Variants in PALM2AKAP2 observed in about 807,000 individuals in gnomAD.
PALM2AKAP2 encodes the protein PALM2-AKAP2 fusion protein.
In PALM2AKAP2, 37 loss-of-function variants were observed where a neutral mutation model predicts 71.5. The observed-to-expected ratio is 0.52, with a 90% confidence interval of 0.40 to 0.68. The LOEUF (loss-of-function observed/expected upper bound fraction) is 0.68. PALM2AKAP2 is among the 30% of genes least tolerant of loss of function. The probability of loss-of-function intolerance (pLI) is 0.00; values close to 1 mark genes in which losing one functional copy is unlikely to be tolerated. For synonymous variants in PALM2AKAP2, 468 were observed against 478.8 expected (o/e 0.98, Z 0.29); for missense variants, 1,224 against 1,191.8 (o/e 1.03, Z -0.40).
Position 110,162,077 on chromosome 9 carries a change from T to A in PALM2AKAP2, c.2748+5580T>A. 4 of 1,613,958 alleles carry A rather than the reference T, an allele frequency of 2.5e-6. No individual in the cohort carries two copies. Among genetic ancestry groups the A allele is most frequent in the Non-Finnish European group, 3.4e-6 (4 of 1,179,894 alleles). On this transcript the variant is annotated intron_variant, in intron 3 of 3. Transcript: ENST00000374525. Reference sequence around the variant, plus strand: ...TCACTGCCATGTACTAACCCTGGTCTTTTCCCTCTCTGCCAGTACACTTCT... The same window carrying A: ...TCACTGCCATGTACTAACCCTGGTCATTTCCCTCTCTGCCAGTACACTTCT...
chr9:109,647,697 CTCTG>C (rs1313772932), intron 1 of PALM2AKAP2, among the ~76,000 whole-genome samples: 4 of 152,166 alleles, frequency 2.6e-5, no homozygotes, highest in Non-Finnish European at 4.4e-5. Flanking sequence ...TGTGCTCTTG[CTCTG>C]TCTACTTGTC....
chr9:110,004,863 G>T (rs550573416), intron 6 of PALM2AKAP2, among the ~76,000 whole-genome samples: 1 of 152,114 alleles, frequency 6.6e-6, no homozygotes, highest in Non-Finnish European at 1.5e-5. Context: ...TTCTCGTGCC[G>T]TGGTTTTCAG....
rs551462953 is a variant in PALM2AKAP2 at position 110,155,161 on chromosome 9, A to G, written c.2570-1158A>G. ...CTTCACTTGTGATTCCTGCTACATCAGGCAGTTGCCAAGTTAGAAGCCTGG... is the reference window on the plus strand; with the variant it reads ...CTTCACTTGTGATTCCTGCTACATCGGGCAGTTGCCAAGTTAGAAGCCTGG... On this transcript the variant is annotated intron_variant, in intron 2 of 3. Transcript: ENST00000374525. 3.3e-5 allele frequency among the ~76,000 whole-genome samples: 5 copies of G among 152,330 alleles called. No individual in the cohort carries two copies. In the East Asian group the frequency reaches 9.6e-4, roughly 29 times the overall value.
intron 1 of PALM2AKAP2, among the ~76,000 whole-genome samples, chr9:110,103,477 C>T (rs1835047798): frequency 6.6e-6 from 1 of 152,226 alleles, no homozygotes; most frequent in Non-Finnish European, 1.5e-5. Context: ...TGTCACCTCT[C>T]ACTTCAAGTT....
chr9:109,941,240 G>C (rs755572364), intron 6 of PALM2AKAP2, among the ~76,000 whole-genome samples: 2 of 145,672 alleles, frequency 1.4e-5, no homozygotes, highest in African/African-American at 2.6e-5. Flanking sequence ...GGCTCAGGCT[G>C]TCTTTGGCCC....
At chr9:109,950,150 C>A (rs572209701) in intron 6 of PALM2AKAP2, among the ~76,000 whole-genome samples, 96 of 152,072 alleles carry the variant, frequency 6.3e-4, no homozygotes, top group Admixed American at 2.0e-3. Context: ...AAAAATTAGC[C>A]AGCATGGTGG....
At position 110,116,777 on chromosome 9, in the gene PALM2AKAP2, T is replaced by G. The variant is rs570936203; in HGVS notation, c.157-19350T>G. On this transcript the variant is annotated intron_variant, in intron 1 of 3. Coordinates refer to ENST00000374525, the Ensembl canonical transcript of PALM2AKAP2. The stretch of plus-strand genomic sequence containing the variant: ...TCAGTGAAAACGGAAGGTGATATTG[T>G]CATACAGCTGTGTAGAGTGAGAGTA... Among the ~76,000 whole-genome samples the G allele has an allele frequency of 2.6e-5, 4 of 152,344 alleles. No homozygotes were observed. In the South Asian group the frequency reaches 6.2e-4, roughly 24 times the overall value.
intron 6 of PALM2AKAP2, among the ~76,000 whole-genome samples, chr9:109,933,849 G>A (rs1831163895): frequency 6.6e-6 from 1 of 152,214 alleles, no homozygotes; most frequent in South Asian, 2.1e-4. Context: ...TGTCCAGGCT[G>A]TTTAGGGAAT....
At chr9:109,750,985 G>T (rs1431386736) in intron 1 of PALM2AKAP2, among the ~76,000 whole-genome samples, 2 of 152,116 alleles carry the variant, frequency 1.3e-5, no homozygotes, top group Non-Finnish European at 2.9e-5. Flanking sequence ...AGAGACCCTT[G>T]CATTCCACCC....
At chr9:110,014,839 TATATATATATATAC>T (rs1832951523) in intron 6 of PALM2AKAP2, among the ~76,000 whole-genome samples, 3 of 97,286 alleles carry the variant, frequency 3.1e-5, no homozygotes, top group African/African-American at 1.3e-4. Flanking sequence ...TATATATATA[TATATATATATATAC>T]ACACACACAC....
intron 1 of PALM2AKAP2, among the ~76,000 whole-genome samples, chr9:109,804,804 G>A (rs1162765843): frequency 6.6e-6 from 1 of 152,112 alleles, no homozygotes; most frequent in Non-Finnish European, 1.5e-5. Context: ...GTACAAAACA[G>A]TGGAAAGAAT....
At chr9:110,100,008 A>ATATG (rs1554751743) in intron 1 of PALM2AKAP2, among the ~76,000 whole-genome samples, 1 of 140,954 alleles carries the variant, frequency 7.1e-6, no homozygotes, top group African/African-American at 2.6e-5. Context: ...GCATATATAT[A>ATATG]TGTGTGTGTG....
chr9:110,039,739 C>T (rs977728079), intron 7 of PALM2AKAP2, among the ~76,000 whole-genome samples: 8 of 152,174 alleles, frequency 5.3e-5, no homozygotes, highest in African/African-American at 1.7e-4. Flanking sequence ...CCACAGTTCT[C>T]GTCTAGGTGC....
chr9:109,919,556 G>A (rs891438386), intron 3 of PALM2AKAP2, among the ~76,000 whole-genome samples: 1 of 152,052 alleles, frequency 6.6e-6, no homozygotes, highest in Admixed American at 6.6e-5. Flanking sequence ...TTCAGGATTA[G>A]GGAAGGGAGG....
At chr9:109,792,062 G>C (rs991553868) in intron 1 of PALM2AKAP2, among the ~76,000 whole-genome samples, 2 of 152,142 alleles carry the variant, frequency 1.3e-5, no homozygotes, top group Non-Finnish European at 2.9e-5. Context: ...GGGCTGGGGG[G>C]TTGGTACAGT....
intron 3 of PALM2AKAP2, among the ~76,000 whole-genome samples, chr9:109,903,478 A>G (rs1163097669): frequency 6.6e-6 from 1 of 152,160 alleles, no homozygotes; most frequent in African/African-American, 2.4e-5. Context: ...GGACCTTCCC[A>G]ACCACTTTTT....
At position 110,041,063 on chromosome 9, in the gene PALM2AKAP2, C is replaced by T. The variant is rs144170755; in HGVS notation, c.582+25024C>T. 7.4e-4 allele frequency among the ~76,000 whole-genome samples: 113 copies of T among 152,290 alleles called. 1 individual carries two copies. The East Asian group carries it at 0.02, about 27-fold the overall frequency. On this transcript the variant is annotated intron_variant, in intron 7 of 9. Coordinates refer to the PALM2AKAP2 transcript ENST00000302798. Reference sequence around the variant, plus strand: ...AACTTGGACCTCATAGGACTTTGCTCCTGTTTATTATCAAAGTGATACATG... The same window carrying T: ...AACTTGGACCTCATAGGACTTTGCTTCTGTTTATTATCAAAGTGATACATG...
At chr9:109,653,412 C>T (rs1827252618) in intron 1 of PALM2AKAP2, among the ~76,000 whole-genome samples, 1 of 152,196 alleles carries the variant, frequency 6.6e-6, no homozygotes. Flanking sequence ...AAAGTTGTCC[C>T]ACTGCACCTA....
chr9:109,761,307 T>C (rs943649869), intron 1 of PALM2AKAP2, among the ~76,000 whole-genome samples: 2 of 152,226 alleles, frequency 1.3e-5, no homozygotes, highest in African/African-American at 2.4e-5. Context: ...TCAGGAATTA[T>C]AACAGTATCT....
Sources: gnomAD v4.1 joint callset for allele counts (sites outside exome capture counted in the v4.1 genomes callset) on GRCh38, gnomAD v4.1.1 for gene constraint, MANE v1.5 for transcripts, NCBI Gene and HGNC (gene_info 2026-07-23, HGNC 2026-07-21) for gene names.